The following PLA2G12B variants were observed in gnomAD, a reference collection of about 807,000 sequenced individuals.
The protein encoded by PLA2G12B is phospholipase A2 group XIIB, also known as group XIIB secretory phospholipase A2-like protein.
In PLA2G12B, 19 loss-of-function variants were observed where a neutral mutation model predicts 22.3. The observed-to-expected ratio is 0.85, with a 90% confidence interval of 0.60 to 1.25. The LOEUF (loss-of-function observed/expected upper bound fraction) is 1.25, where lower values mean the gene tolerates loss of function less well. Among genes scored for constraint, PLA2G12B ranks in the 50% most tolerant of loss-of-function variants. PLA2G12B has a pLI of 0.00. For synonymous variants in PLA2G12B, 81 were observed against 94.9 expected (o/e 0.85, Z 0.85); for missense variants, 191 against 246.6 (o/e 0.77, Z 1.51).
Position 72,954,697 on chromosome 10 carries a change from G to T in PLA2G12B, c.-12C>A, listed in dbSNP as rs1337147726. 3.7e-6 allele frequency: 6 copies of T among 1,613,294 alleles called. No individual in the cohort carries two copies. In the Admixed American group the frequency reaches 5.0e-5, roughly 13 times the overall value. ...CTGGCCAGCTTCATCCTGCAGCCAG[G>T]TAGGTACTGGCTTCTCTCCTCAAAC... On this transcript the variant is annotated 5_prime_UTR_variant, in exon 1 of 4. It introduces an in-frame stop codon into an upstream open reading frame of the 5' UTR. Transcript: ENST00000373032.
chr10:72,937,137 G>A (rs1044237407), intron 3 of PLA2G12B, among the ~76,000 whole-genome samples: 1 of 151,710 alleles, frequency 6.6e-6, no homozygotes, highest in Non-Finnish European at 1.5e-5. Context: ...CGTGAACCCG[G>A]AGGCAGAGCT....
chr10:72,947,676 C>T (rs1041605822), intron 1 of PLA2G12B, among the ~76,000 whole-genome samples: 8 of 152,294 alleles, frequency 5.3e-5, no homozygotes, highest in South Asian at 2.1e-4. Context: ...CCAAGGTAGA[C>T]CTTGTGCCCA....
At position 72,954,535 on chromosome 10, in the gene PLA2G12B, C is replaced by A. The variant is rs762276650; in HGVS notation, c.151G>T (p.Asp51Tyr). Residue 51 changes from aspartate to tyrosine, a missense_variant, in exon 1 of 4, where the codon GAT becomes TAT. Physicochemically the swap from Asp to Tyr is radical, Grantham distance 160. Coordinates refer to ENST00000373032, the MANE Select transcript of PLA2G12B (RefSeq NM_032562.5). ...GSFESVNSYF[D>Y]SFLELLGGKN... is the part of the protein sequence containing the mutation. ...CCTCCCAGCAGCTCCAGAAAAGAAT[C>A]GAAGTAGCTATTGACGGATTCAAAG... The A allele has an allele frequency of 6.5e-5, 105 of 1,614,074 alleles. No homozygotes were observed. Among genetic ancestry groups the A allele is most frequent in the Non-Finnish European group, 8.6e-5 (102 of 1,180,052 alleles).
At chr10:72,945,464 G>T (rs1473199514) in intron 1 of PLA2G12B, among the ~76,000 whole-genome samples, 1 of 152,158 alleles carries the variant, frequency 6.6e-6, no homozygotes, top group Non-Finnish European at 1.5e-5. Context: ...AATCTCCAGA[G>T]ATGGCAGCAT....
chr10:72,948,784 TAAAG>T (rs766393066), intron 1 of PLA2G12B, among the ~76,000 whole-genome samples: 5 of 152,176 alleles, frequency 3.3e-5, no homozygotes, highest in Admixed American at 6.5e-5. Context: ...TCAGAAGCCA[TAAAG>T]AAAGAGACTG....
At chr10:72,946,145 C>T (rs752661907) in intron 1 of PLA2G12B, among the ~76,000 whole-genome samples, 1 of 152,172 alleles carries the variant, frequency 6.6e-6, no homozygotes, top group Non-Finnish European at 1.5e-5. Flanking sequence ...ACCCATTAAC[C>T]ACCTCTCCCA....
chr10:72,942,617 C>G, intron 2 of PLA2G12B, 35 bp downstream of exon 2: 1 of 1,518,170 alleles, frequency 6.6e-7, no homozygotes, highest in East Asian at 2.3e-5. Flanking sequence ...CAGTCAAAAC[C>G]AACCAACCAA....
intron 3 of PLA2G12B, among the ~76,000 whole-genome samples, chr10:72,938,976 C>T (rs552057642): frequency 1.3e-5 from 2 of 152,264 alleles, no homozygotes; most frequent in South Asian, 2.1e-4. Context: ...AATAGAATTG[C>T]GCATCTAGAA....
At chr10:72,939,043 C>T (rs767678617) in intron 3 of PLA2G12B, among the ~76,000 whole-genome samples, 2 of 152,146 alleles carry the variant, frequency 1.3e-5, no homozygotes, top group African/African-American at 4.8e-5. Flanking sequence ...ATAGGCAGTT[C>T]TAGAGGTAGA....
chr10:72,941,391 G>C, intron 2 of PLA2G12B, 57 bp from the exon 3 acceptor site: 3 of 1,538,594 alleles, frequency 1.9e-6, no homozygotes, highest in Non-Finnish European at 2.7e-6. Context: ...TTTAGACTAA[G>C]GACCTTAGGC....
At chr10:72,938,955 T>C (rs191647056) in intron 3 of PLA2G12B, among the ~76,000 whole-genome samples, 74 of 152,360 alleles carry the variant, frequency 4.9e-4, no homozygotes, top group African/African-American at 1.7e-3. Context: ...GGTCCTGACA[T>C]AGATCAGTGG....
chr10:72,939,615 A>G (rs1000861439), intron 3 of PLA2G12B, among the ~76,000 whole-genome samples: 6 of 151,622 alleles, frequency 4.0e-5, no homozygotes, highest in Non-Finnish European at 5.9e-5. Flanking sequence ...AGCTATCTGA[A>G]AATGCTTTGT....
At chr10:72,949,243 A>G (rs987237430) in intron 1 of PLA2G12B, among the ~76,000 whole-genome samples, 3 of 152,178 alleles carry the variant, frequency 2.0e-5, no homozygotes, top group Non-Finnish European at 4.4e-5. Context: ...AATTCACGGG[A>G]GTGCTTTTTT....
chr10:72,947,573 A>C (rs1425448232), intron 1 of PLA2G12B, among the ~76,000 whole-genome samples: 30 of 152,214 alleles, frequency 2.0e-4, no homozygotes, highest in Non-Finnish European at 2.9e-5. Flanking sequence ...TTCAGATAAC[A>C]TAAAATTAAC....
intron 1 of PLA2G12B, among the ~76,000 whole-genome samples, chr10:72,953,654 C>T (rs1232231961): frequency 6.6e-6 from 1 of 152,148 alleles, no homozygotes; most frequent in Admixed American, 6.5e-5. Flanking sequence ...CCACATTTTG[C>T]TCCCCTTACA....
chr10:72,936,416 G>A (rs1308356006), intron 3 of PLA2G12B, among the ~76,000 whole-genome samples: 1 of 152,166 alleles, frequency 6.6e-6, no homozygotes, highest in Non-Finnish European at 1.5e-5. Flanking sequence ...TAAACTTCAA[G>A]AATGGTCAGG....
intron 3 of PLA2G12B, among the ~76,000 whole-genome samples, chr10:72,938,544 A>C (rs1846313792): frequency 6.6e-6 from 1 of 152,170 alleles, no homozygotes; most frequent in Admixed American, 6.5e-5. Context: ...ATTATTAATA[A>C]ATAATCTGAA....
At chr10:72,948,742 G>A (rs1340809199) in intron 1 of PLA2G12B, among the ~76,000 whole-genome samples, 1 of 152,222 alleles carries the variant, frequency 6.6e-6, no homozygotes, top group Non-Finnish European at 1.5e-5. Flanking sequence ...TAATCTTGAT[G>A]TGAGGATGAT....
intron 1 of PLA2G12B, among the ~76,000 whole-genome samples, chr10:72,950,773 A>G (rs2132980802): frequency 6.6e-6 from 1 of 152,368 alleles, no homozygotes; most frequent in South Asian, 2.1e-4. Flanking sequence ...AGATATTTAA[A>G]GAAACTTTTA....
Sources: allele counts gnomAD v4.1 joint callset (sites outside exome capture counted in the v4.1 genomes callset), GRCh38; gene constraint gnomAD v4.1.1; transcripts MANE v1.5; gene names NCBI Gene and HGNC (gene_info 2026-07-23, HGNC 2026-07-21).